Variants in CYSLTR2 observed in about 807,000 individuals in gnomAD.
CYSLTR2 encodes G-protein coupled receptor GPCR21.
For missense variants in CYSLTR2, 398 were observed against 411.9 expected (o/e 0.97, Z 0.29); for synonymous variants, 179 against 160.8 (o/e 1.11, Z -0.86).
chr13:48,669,617 T>A lies in CYSLTR2; in HGVS notation c.-266+15600T>A, dbSNP rs559147368. Among the ~76,000 whole-genome samples the A allele has an allele frequency of 1.2e-4, 19 of 152,354 alleles. No homozygotes were observed. In the South Asian group the frequency reaches 3.5e-3, roughly 28 times the overall value. ...TGCAAAGGACATGAACTCATTATTT[T>A]TTATGGCTGCATAGTATTCCATGGT... On this transcript the variant is annotated intron_variant, in intron 1 of 4. Coordinates refer to ENST00000682523, the MANE Select transcript of CYSLTR2 (RefSeq NM_001308476.3).
rs183321745 is a variant in CYSLTR2 at position 48,689,828 on chromosome 13, G to T, written c.-265-1384G>T. ...TAGCTTGATGGGCATAGCACTGAAT[G>T]TGTAAATTACTTTGGGCAGTATGGC... On this transcript the variant is annotated intron_variant, in intron 1 of 4. Coordinates refer to ENST00000682523, the MANE Select transcript of CYSLTR2 (RefSeq NM_001308476.3). Among the ~76,000 whole-genome samples, 49 of 152,108 alleles carry T rather than the reference G, an allele frequency of 3.2e-4. No homozygotes were observed. In the East Asian group the frequency reaches 9.1e-3, roughly 28 times the overall value.
chr13:48,691,019 T>C (rs1316544379), intron 1 of CYSLTR2, among the ~76,000 whole-genome samples, 193 bp from the exon 2 acceptor site: 2 of 152,106 alleles, frequency 1.3e-5, no homozygotes, highest in Non-Finnish European at 2.9e-5. Flanking sequence ...GTATAAGTAT[T>C]CTTTTTTTCT....
At chr13:48,677,673 C>T (rs1953636006) in intron 1 of CYSLTR2, among the ~76,000 whole-genome samples, 1 of 152,090 alleles carries the variant, frequency 6.6e-6, no homozygotes, top group East Asian at 1.9e-4. Context: ...AGTACACATC[C>T]TCTCTCCCTG....
At chr13:48,660,410 G>A (rs956830371) in intron 1 of CYSLTR2, among the ~76,000 whole-genome samples, 1 of 152,080 alleles carries the variant, frequency 6.6e-6, no homozygotes, top group Non-Finnish European at 1.5e-5. Context: ...GAAAGCAAAG[G>A]GTCACCAGCC....
At chr13:48,704,213 G>T (rs1466490731) in intron 4 of CYSLTR2, among the ~76,000 whole-genome samples, 54 of 151,754 alleles carry the variant, frequency 3.6e-4, no homozygotes, top group Non-Finnish European at 2.9e-5. Context: ...TATTGACTTT[G>T]TCTATTCTGC....
At chr13:48,676,707 G>T (rs1953605933) in intron 1 of CYSLTR2, among the ~76,000 whole-genome samples, 1 of 152,178 alleles carries the variant, frequency 6.6e-6, no homozygotes, top group South Asian at 2.1e-4. Context: ...CTCCAAATAA[G>T]ACTATCCTGT....
At chr13:48,669,358 A>G (rs984278833) in intron 1 of CYSLTR2, among the ~76,000 whole-genome samples, 6 of 151,936 alleles carry the variant, frequency 3.9e-5, no homozygotes, top group East Asian at 1.9e-4. Context: ...TACACATGCC[A>G]TGATTGTTTG....
At chr13:48,684,993 T>TC (rs1401475291) in intron 1 of CYSLTR2, among the ~76,000 whole-genome samples, 1 of 152,198 alleles carries the variant, frequency 6.6e-6, no homozygotes, top group Non-Finnish European at 1.5e-5. Context: ...GAGGGATTCT[T>TC]CCCCAGAGCC....
Position 48,710,793 on chromosome 13 carries a change from G to A in CYSLTR2, c.*2935G>A, listed in dbSNP as rs778609845. Reference sequence around the variant, plus strand: ...GAACAGAAATGTGTTCCAATTGACAGCAATCGGGTTTGGTACTATTTGGGT... The same window carrying A: ...GAACAGAAATGTGTTCCAATTGACAACAATCGGGTTTGGTACTATTTGGGT... On this transcript the variant is annotated 3_prime_UTR_variant, in exon 5 of 5. Transcript: ENST00000682523. The A allele has an allele frequency of 3.3e-5, 5 of 152,212 alleles. No homozygotes were observed. Among genetic ancestry groups the A allele is most frequent in the East Asian group, 1.9e-4 (1 of 5,208 alleles). 9.4% of individuals were successfully genotyped at this position (152,212 alleles called of 1,614,324 possible). A position where few individuals can be genotyped will look rare whatever the true frequency, so the allele number is the denominator to read the frequency against.
At chr13:48,705,447 T>C (rs1954455575) in intron 4 of CYSLTR2, among the ~76,000 whole-genome samples, 1 of 151,592 alleles carries the variant, frequency 6.6e-6, no homozygotes, top group African/African-American at 2.4e-5. Context: ...GCCATTTTAT[T>C]TTTTTTCTGT....
In CYSLTR2 at chr13:48,705,996, G is replaced by GTTT. The variant is rs368909553; in HGVS notation, c.-1-819_-1-818insTTT. ...TGTTTGTTTTTTGTTTTGTTTTGTT[G>GTTT]TTGTTTTTTTTTTTTTTGAGATGGA... On this transcript the variant is annotated intron_variant, in intron 4 of 4. Transcript: ENST00000682523. 1.2e-4 allele frequency among the ~76,000 whole-genome samples: 15 copies of GTTT among 128,584 alleles called. 1 individual carries two copies. The highest frequency in any genetic ancestry group is 2.1e-4 in the East Asian group (1 of 4,746). 84.4% of individuals were successfully genotyped at this position (128,584 alleles called of 152,430 possible). A position where few individuals can be genotyped will look rare whatever the true frequency, so the allele number is the denominator to read the frequency against.
At chr13:48,656,623 T>C (rs1593921161) in intron 1 of CYSLTR2, among the ~76,000 whole-genome samples, 1 of 152,314 alleles carries the variant, frequency 6.6e-6, no homozygotes, top group South Asian at 2.1e-4. Context: ...AAAGATGATA[T>C]ATTTTTTCAG....
chr13:48,675,292 A>G (rs1016823902), intron 1 of CYSLTR2, among the ~76,000 whole-genome samples: 2 of 152,188 alleles, frequency 1.3e-5, no homozygotes, highest in Admixed American at 6.5e-5. Flanking sequence ...AGCTTTATCT[A>G]TAAGCCCCTA....
At chr13:48,679,227 C>G (rs984337455) in intron 1 of CYSLTR2, among the ~76,000 whole-genome samples, 1 of 152,084 alleles carries the variant, frequency 6.6e-6, no homozygotes, top group African/African-American at 2.4e-5. Flanking sequence ...TCTCTCTCCC[C>G]CAGAACCTTA....
intron 4 of CYSLTR2, among the ~76,000 whole-genome samples, chr13:48,703,105 AAATAT>A (rs1954392044): frequency 6.6e-6 from 1 of 152,114 alleles, no homozygotes. Context: ...CTAGTTTATA[AAATAT>A]AATATATTTT....
chr13:48,671,442 A>G (rs563448855), intron 1 of CYSLTR2, among the ~76,000 whole-genome samples: 87 of 152,318 alleles, frequency 5.7e-4, no homozygotes, highest in African/African-American at 2.0e-3. Flanking sequence ...TTATTTTGAC[A>G]TATGTTCCTT....
intron 1 of CYSLTR2, among the ~76,000 whole-genome samples, chr13:48,672,020 A>G (rs1953444912): frequency 6.6e-6 from 1 of 151,876 alleles, no homozygotes; most frequent in Admixed American, 6.6e-5. Context: ...GGGAGGGTGT[A>G]TGTGTCCAGG....
rs869282546 is a variant in CYSLTR2 at position 48,695,068 on chromosome 13, A to ATTTTTTTTTTTTTTTTTTTTTTTTT, written c.-102-1456_-102-1432dup. 1.5e-4 allele frequency among the ~76,000 whole-genome samples: 11 copies of ATTTTTTTTTTTTTTTTTTTTTTTTT among 71,618 alleles called. 2 individuals are homozygous for ATTTTTTTTTTTTTTTTTTTTTTTTT. Among genetic ancestry groups the ATTTTTTTTTTTTTTTTTTTTTTTTT allele is most frequent in the African/African-American group, 6.1e-4 (10 of 16,280 alleles). The allele number at this position is 71,618 out of a possible 152,430, so 47.0% of individuals were successfully genotyped here. A position where few individuals can be genotyped will look rare whatever the true frequency, so the allele number is the denominator to read the frequency against. ...AGACCATGGTATATCAGAACCTGGC[A>ATTTTTTTTTTTTTTTTTTTTTTTTT]TTTTTTTTTTTTTTTTTTTTTTTTT... On this transcript the variant is annotated intron_variant, in intron 3 of 4. Coordinates refer to ENST00000682523, the MANE Select transcript of CYSLTR2 (RefSeq NM_001308476.3).
In CYSLTR2 at chr13:48,709,682, G is replaced by A. The variant is rs927466166; in HGVS notation, c.*1824G>A. 3 of 152,184 alleles carry A rather than the reference G, an allele frequency of 2.0e-5. No homozygotes were observed. Among genetic ancestry groups the A allele is most frequent in the East Asian group, 1.9e-4 (1 of 5,200 alleles). 9.4% of individuals were successfully genotyped at this position (152,184 alleles called of 1,614,324 possible). A position where few individuals can be genotyped will look rare whatever the true frequency, so the allele number is the denominator to read the frequency against. ...TGAGGGAAAGGCCGTAACATGAAAG[G>A]CACCAACAAATAAATGTGAGAGTAG... is the stretch of plus-strand genomic sequence containing the variant. On this transcript the variant is annotated 3_prime_UTR_variant, in exon 5 of 5. Coordinates refer to ENST00000682523, the MANE Select transcript of CYSLTR2 (RefSeq NM_001308476.3).
Sources: allele counts gnomAD v4.1 joint callset (sites outside exome capture counted in the v4.1 genomes callset), GRCh38; gene constraint gnomAD v4.1.1; transcripts MANE v1.5; gene names NCBI Gene and HGNC (gene_info 2026-07-23, HGNC 2026-07-21).